The following GNG7 variants were observed in gnomAD, a reference collection of about 807,000 sequenced individuals.
GNG7 encodes guanine nucleotide-binding protein G(I)/G(S)/G(O) subunit gamma-7.
In GNG7, 1 loss-of-function variant was observed where a neutral mutation model predicts 4.0. The observed-to-expected ratio is 0.25, with a 90% CI of 0.09 to 1.18. The LOEUF is 1.18. Among genes scored for constraint, GNG7 ranks in the 50% most tolerant of loss-of-function variants. The pLI is 0.50. For missense variants in GNG7, 86 were observed against 91.9 expected (o/e 0.94, Z 0.26); for synonymous variants, 34 against 36.9 (o/e 0.92, Z 0.29).
At chr19:2,551,565 C>T (rs771765738) in intron 3 of GNG7, among the ~76,000 whole-genome samples, 3 of 69,922 alleles carry the variant, frequency 4.3e-5, no homozygotes, top group Admixed American at 1.7e-4. Context: ...ATATATTTAT[C>T]TATTATCTAT....
intron 3 of GNG7, among the ~76,000 whole-genome samples, chr19:2,521,041 G>A (rs1053296707): frequency 9.9e-5 from 15 of 151,760 alleles, no homozygotes; most frequent in Admixed American, 2.0e-4. Context: ...GGATCATGAG[G>A]TCAGGAGATC....
chr19:2,520,778 G>A lies in GNG7; in HGVS notation c.-37-53C>T. On this transcript the variant is annotated intron_variant, in intron 3 of 4. Coordinates refer to ENST00000382159, the MANE Select transcript of GNG7 (RefSeq NM_052847.3). ...CAAAGTTCAGGTCAGGCCTCTGGGT[G>A]GCAGCAGGGGCGCCCGGCCTTGGCT... 3.8e-6 allele frequency: 3 copies of A among 785,930 alleles called. No homozygotes were observed. In the South Asian group the frequency reaches 4.6e-5, roughly 12 times the overall value. 48.7% of individuals were successfully genotyped at this position (785,930 alleles called of 1,614,324 possible). A position where few individuals can be genotyped will look rare whatever the true frequency, so the allele number is the denominator to read the frequency against.
chr19:2,608,968 C>T (rs1981477343), intron 2 of GNG7, among the ~76,000 whole-genome samples: 1 of 152,174 alleles, frequency 6.6e-6, no homozygotes, highest in South Asian at 2.1e-4. Context: ...TCAACACATT[C>T]ACAACGTTGT....
intron 1 of GNG7, among the ~76,000 whole-genome samples, chr19:2,683,998 A>G (rs768013121): frequency 6.6e-6 from 1 of 152,170 alleles, no homozygotes; most frequent in Non-Finnish European, 1.5e-5. Context: ...CGGGCACAGA[A>G]GTGCGACCAG....
At chr19:2,619,665 A>G (rs1191417910) in intron 2 of GNG7, among the ~76,000 whole-genome samples, 2 of 152,256 alleles carry the variant, frequency 1.3e-5, no homozygotes, top group Admixed American at 1.3e-4. Context: ...GGAGCCAGAG[A>G]CAGAGGGCCA....
At chr19:2,659,733 T>C (rs979170930) in intron 1 of GNG7, among the ~76,000 whole-genome samples, 9 of 86,716 alleles carry the variant, frequency 1.0e-4, no homozygotes, top group African/African-American at 4.1e-4. Flanking sequence ...GGGGAATGAG[T>C]GTGAGCGAGG....
At chr19:2,587,205 G>C (rs373298424) in intron 2 of GNG7, among the ~76,000 whole-genome samples, 1 of 151,978 alleles carries the variant, frequency 6.6e-6, no homozygotes, top group Non-Finnish European at 1.5e-5. Context: ...AGGAGGAAGT[G>C]ACCTGCACAC....
intron 2 of GNG7, among the ~76,000 whole-genome samples, chr19:2,603,137 C>G (rs1438722282): frequency 6.6e-6 from 1 of 151,830 alleles, no homozygotes; most frequent in Non-Finnish European, 1.5e-5. Flanking sequence ...CACAGTCTTG[C>G]CTCACTGAAA....
At chr19:2,606,694 TAA>T (rs1475469087) in intron 2 of GNG7, among the ~76,000 whole-genome samples, 2 of 147,224 alleles carry the variant, frequency 1.4e-5, no homozygotes, top group African/African-American at 5.0e-5. Context: ...TTAATTAATT[TAA>T]AAAAAAAGTT....
intron 1 of GNG7, among the ~76,000 whole-genome samples, chr19:2,656,052 G>GA (rs56022655): frequency 0.49 from 67,539 of 136,922 alleles, 16,907 homozygotes; most frequent in African/African-American, 0.63. Flanking sequence ...AAGAAAGAAA[G>GA]AAAAAAAAAA....
rs529100733 is a variant in GNG7 at position 2,624,018 on chromosome 19, C to G, written c.-78+22206G>C. On this transcript the variant is annotated intron_variant, in intron 2 of 4. Coordinates refer to ENST00000382159, the MANE Select transcript of GNG7 (RefSeq NM_052847.3). ...CTGCTGTGAACATGAGCGAACAGTACAAGGGAAGCAGGATGGGGGGTGCCA... is the reference window on the plus strand; with the variant it reads ...CTGCTGTGAACATGAGCGAACAGTAGAAGGGAAGCAGGATGGGGGGTGCCA... Among the ~76,000 whole-genome samples the G allele has an allele frequency of 3.4e-3, 518 of 152,000 alleles. 2 individuals carry two copies. The highest frequency in any genetic ancestry group is 0.012 in the African/African-American group (504 of 41,446).
intron 1 of GNG7, among the ~76,000 whole-genome samples, chr19:2,648,083 G>GA (rs1555700161): frequency 7.6e-6 from 1 of 130,902 alleles, no homozygotes; most frequent in Non-Finnish European, 1.7e-5. Context: ...TCCTAAAACA[G>GA]AAAAAGGACA....
At chr19:2,530,194 CTT>C (rs1400527555) in intron 3 of GNG7, among the ~76,000 whole-genome samples, 3 of 152,042 alleles carry the variant, frequency 2.0e-5, no homozygotes, top group African/African-American at 7.2e-5. Context: ...GGGAGGATCA[CTT>C]GAGGTCGGGA....
chr19:2,568,640 T>A (rs201794374), intron 2 of GNG7, among the ~76,000 whole-genome samples: 19 of 121,930 alleles, frequency 1.6e-4, no homozygotes, highest in Admixed American at 7.7e-4. Context: ...TATATACACA[T>A]ATACACAAAT....
At chr19:2,521,436 G>A (rs570572207) in intron 3 of GNG7, among the ~76,000 whole-genome samples, 92 of 152,184 alleles carry the variant, frequency 6.0e-4, no homozygotes, top group African/African-American at 2.2e-3. Context: ...GCTGTGGGGG[G>A]TGCTCCTGGC....
chr19:2,518,766 G>C (rs1372518301), intron 4 of GNG7, among the ~76,000 whole-genome samples: 1 of 152,128 alleles, frequency 6.6e-6, no homozygotes, highest in Admixed American at 6.6e-5. Flanking sequence ...GCGGGCCATG[G>C]TGCCCCAGGG....
rs933460795 is a variant in GNG7 at position 2,634,118 on chromosome 19, T to C, written c.-78+12106A>G. On this transcript the variant is annotated intron_variant, in intron 2 of 4. Transcript: ENST00000382159. The surrounding 1 kb of genome is among the most constrained non-coding windows in gnomAD (Gnocchi z 5.3). ...GGTGAGTCCCAGGAGCTGGGGGTCC[T>C]CCTGGTTTACACCGTCTGCCCCACT... Among the ~76,000 whole-genome samples, 2 of 152,190 alleles carry C rather than the reference T, an allele frequency of 1.3e-5. No homozygotes were observed. Among genetic ancestry groups the C allele is most frequent in the Non-Finnish European group, 2.9e-5 (2 of 68,038 alleles).
chr19:2,641,503 G>A (rs761603521), intron 2 of GNG7, among the ~76,000 whole-genome samples: 1 of 152,104 alleles, frequency 6.6e-6, no homozygotes, highest in Non-Finnish European at 1.5e-5. Context: ...GGCTGTGAAG[G>A]GGGAGGAGGG....
intron 2 of GNG7, among the ~76,000 whole-genome samples, chr19:2,584,485 T>G (rs1980586865): frequency 6.7e-6 from 1 of 150,360 alleles, no homozygotes; most frequent in African/African-American, 2.5e-5. Flanking sequence ...GTGTCCCAGC[T>G]ACTTGGGAGG....
Sources: gnomAD v4.1 joint callset for allele counts (sites outside exome capture counted in the v4.1 genomes callset) on GRCh38, gnomAD v4.1.1 for gene constraint, Gnocchi (gnomAD v3.1) non-coding constraint, MANE v1.5 for transcripts, NCBI Gene and HGNC (gene_info 2026-07-23, HGNC 2026-07-21) for gene names.